The following TXNRD3 variants were observed in gnomAD, a reference collection of about 807,000 sequenced individuals.
The protein encoded by TXNRD3 is TXNRD3 neighbor gene protein.
Under a neutral mutation model 78.2 loss-of-function variants are expected in TXNRD3, and 68 were observed. The observed-to-expected ratio is 0.87, with a 90% CI of 0.72 to 1.06. The LOEUF (loss-of-function observed/expected upper bound fraction) is 1.06. Ranked by LOEUF, TXNRD3 falls within the 50% of genes least tolerant of loss-of-function variation. TXNRD3 has a pLI of 0.00. For missense variants in TXNRD3, 751 were observed against 809.5 expected (o/e 0.93, Z 0.88); for synonymous variants, 296 against 300.1 (o/e 0.99, Z 0.14).
intron 9 of TXNRD3, among the ~76,000 whole-genome samples, chr3:126,629,747 T>C (rs1364949808): frequency 1.3e-5 from 2 of 152,208 alleles, no homozygotes; most frequent in African/African-American, 4.8e-5. Context: ...CTTAATATAC[T>C]GTGTTAAGTA....
intron 15 of TXNRD3, among the ~76,000 whole-genome samples, chr3:126,608,298 T>G (rs1008140362): frequency 1.3e-5 from 2 of 152,036 alleles, no homozygotes; most frequent in Non-Finnish European, 2.9e-5. Flanking sequence ...GAGGTGGAGG[T>G]TGCAGTGAGT....
rs1156383273 is a variant in TXNRD3, at chr3:126,654,899, A to C, written c.92T>G (p.Leu31Trp). Residue 31 changes from leucine (L) to tryptophan (W), a missense_variant, in exon 1 of 16, where the codon TTG (leucine) becomes TGG (tryptophan). Transcript: ENST00000524230. ...GCGGGCACGGCGCCCCGGCGGCGACAACACGCGCGCCCCTCGGACATGGCC... is the reference window on the plus strand; with the variant it reads ...GCGGGCACGGCGCCCCGGCGGCGACCACACGCGCGCCCCTCGGACATGGCC... 7.6e-7 allele frequency: 1 copy of C among 1,316,560 alleles called. No homozygotes were observed. The highest frequency in any genetic ancestry group is 4.2e-5 in the Admixed American group (1 of 23,828). The allele number at this position is 1,316,560 out of a possible 1,614,324, so 81.6% of individuals were successfully genotyped here. A position where few individuals can be genotyped will look rare whatever the true frequency, so the allele number is the denominator to read the frequency against.
chr3:126,633,239 C>T (rs1339434203), intron 7 of TXNRD3, among the ~76,000 whole-genome samples: 1 of 152,030 alleles, frequency 6.6e-6, no homozygotes, highest in Non-Finnish European at 1.5e-5. Flanking sequence ...AAATAAAATG[C>T]TGAAAATAAG....
At chr3:126,625,821 T>C (rs1347717034) in intron 10 of TXNRD3, 1 of 152,256 alleles carries the variant, frequency 6.6e-6, no homozygotes, top group Non-Finnish European at 1.5e-5. Flanking sequence ...ACCTGTTTCC[T>C]GACTTTTTAA....
intron 7 of TXNRD3, 133 bp downstream of exon 7, chr3:126,633,776 T>G: frequency 1.9e-6 from 1 of 513,614 alleles, no homozygotes; most frequent in Middle Eastern, 4.5e-4. Context: ...CACACACACA[T>G]GCATGGCCGT....
rs1449365313 is a variant in TXNRD3, at chr3:126,640,250, G to A, written c.712+1782C>T. On this transcript the variant is annotated intron_variant, in intron 6 of 15. Coordinates refer to ENST00000524230, the MANE Select transcript of TXNRD3 (RefSeq NM_052883.3). ...CTCCCGAGTAGCTGGGACTACAGGC[G>A]CCCGCCACTACGCCCGGCTAATTTT... is the stretch of plus-strand genomic sequence containing the variant. Among the ~76,000 whole-genome samples, 8 of 44,628 alleles carry A rather than the reference G, an allele frequency of 1.8e-4. 2 individuals carry two copies. The highest frequency in any genetic ancestry group is 4.1e-4 in the East Asian group (1 of 2,432). The allele number at this position is 44,628 out of a possible 152,430, so 29.3% of individuals were successfully genotyped here. A position where few individuals can be genotyped will look rare whatever the true frequency, so the allele number is the denominator to read the frequency against.
intron 15 of TXNRD3, 110 bp downstream of exon 15, chr3:126,608,389 T>A (rs1227243427): frequency 8.4e-7 from 1 of 1,186,364 alleles, no homozygotes; most frequent in African/African-American, 1.5e-5. Flanking sequence ...AAAATAAATT[T>A]AAAAATATAC....
At chr3:126,629,248 TATG>T in intron 10 of TXNRD3, 128 bp downstream of exon 10, 1 of 675,210 alleles carries the variant, frequency 1.5e-6, no homozygotes, top group Admixed American at 3.1e-5. Context: ...AATTATCTTC[TATG>T]ATAATGCTCT....
chr3:126,639,835 C>A (rs141726938), intron 6 of TXNRD3, among the ~76,000 whole-genome samples: 5 of 152,260 alleles, frequency 3.3e-5, no homozygotes, highest in Admixed American at 1.3e-4. Flanking sequence ...CTTGAACAAT[C>A]CTTCTACCTC....
At position 126,608,565 on chromosome 3, in the gene TXNRD3, T is replaced by C; in HGVS notation, c.1797A>G (p.Ala599=). 1 of 1,536,032 alleles carries C rather than the reference T, an allele frequency of 6.5e-7. No homozygotes were observed. The highest frequency in any genetic ancestry group is 8.7e-7 in the Non-Finnish European group (1 of 1,146,874). ...GCTGTTTTGTGAGCCCACATTTCAT[T>C]GCAGCTGCAAATCCTTGGGTAACCT... Residue 599 remains alanine (A), a synonymous_variant, in exon 15 of 16, where the codon GCA becomes GCG. Coordinates refer to ENST00000524230, the MANE Select transcript of TXNRD3 (RefSeq NM_052883.3).
At chr3:126,617,616 A>G (rs1002796378) in intron 12 of TXNRD3, among the ~76,000 whole-genome samples, 7 of 152,226 alleles carry the variant, frequency 4.6e-5, no homozygotes, top group African/African-American at 1.7e-4. Context: ...GGGACATTCT[A>G]CAAGAAAAGT....
At chr3:126,611,217 T>A in intron 13 of TXNRD3, 85 bp from the exon 14 acceptor site, 1 of 816,498 alleles carries the variant, frequency 1.2e-6, no homozygotes, top group Non-Finnish European at 1.8e-6. Context: ...ATAAAGGCAA[T>A]AATCTCCATA....
intron 5 of TXNRD3, among the ~76,000 whole-genome samples, chr3:126,642,453 C>T (rs1933117844): frequency 1.3e-5 from 2 of 152,242 alleles, no homozygotes; most frequent in African/African-American, 4.8e-5. Flanking sequence ...ATATGTACTA[C>T]ACCAAGGGTG....
intron 10 of TXNRD3, among the ~76,000 whole-genome samples, chr3:126,624,383 T>C (rs1029851976): frequency 6.6e-6 from 1 of 151,836 alleles, no homozygotes; most frequent in Non-Finnish European, 1.5e-5. Flanking sequence ...AAACGGTCTA[T>C]GAGAAGAGCA....
chr3:126,654,894 G>A lies in TXNRD3; in HGVS notation c.97C>T (p.Pro33Ser). ...GACAGGCGGGCACGGCGCCCCGGCG[G>A]CGACAACACGCGCGCCCCTCGGACA... Residue 33 changes from proline to serine, a missense_variant, in exon 1 of 16, where the codon CCG becomes TCG. Transcript: ENST00000524230. The A allele has an allele frequency of 1.5e-6, 2 of 1,317,230 alleles. No homozygotes were observed. The highest frequency in any genetic ancestry group is 2.2e-5 in the South Asian group (1 of 45,550). 81.6% of individuals were successfully genotyped at this position (1,317,230 alleles called of 1,614,324 possible).
intron 2 of TXNRD3, among the ~76,000 whole-genome samples, chr3:126,646,913 G>T (rs570915379): frequency 6.6e-6 from 1 of 152,174 alleles, no homozygotes; most frequent in Non-Finnish European, 1.5e-5. Context: ...AAATGGGAGC[G>T]GATCCTTTTC....
intron 13 of TXNRD3, among the ~76,000 whole-genome samples, chr3:126,614,344 G>A (rs1938265469): frequency 6.6e-6 from 1 of 152,138 alleles, no homozygotes; most frequent in South Asian, 2.1e-4. Flanking sequence ...TTCCTATAAA[G>A]ATACTCTTTT....
chr3:126,643,894 G>T, intron 5 of TXNRD3, 87 bp downstream of exon 5: 1 of 1,277,550 alleles, frequency 7.8e-7, no homozygotes, highest in Middle Eastern at 1.9e-4. Flanking sequence ...TATACCTCTT[G>T]AGATTGTTGT....
intron 5 of TXNRD3, among the ~76,000 whole-genome samples, chr3:126,643,268 GA>G (rs1471158020): frequency 6.6e-6 from 1 of 152,248 alleles, no homozygotes; most frequent in African/African-American, 2.4e-5. Flanking sequence ...GGCAGAGGCA[GA>G]GGGGGAATGC....
Sources: gnomAD v4.1 joint callset for allele counts (sites outside exome capture counted in the v4.1 genomes callset) on GRCh38, gnomAD v4.1.1 for gene constraint, MANE v1.5 for transcripts, NCBI Gene and HGNC (gene_info 2026-07-23, HGNC 2026-07-21) for gene names.